P2RX5: variants seen among roughly 807,000 people sequenced by gnomAD.
P2RX5 encodes the protein P2X purinoceptor 5.
Under a neutral mutation model 54.1 loss-of-function variants are expected in P2RX5, and 46 were observed. The observed-to-expected ratio is 0.85, with a 90% CI of 0.67 to 1.09. The LOEUF is 1.09. Among genes scored for constraint, P2RX5 ranks in the 50% least tolerant of loss-of-function variants. The pLI is 0.00. For missense variants in P2RX5, 566 were observed against 549.8 expected (o/e 1.03, Z -0.29); for synonymous variants, 226 against 226.4 (o/e 1.00, Z 0.02).
chr17:3,707,163 C>T, the P2RX5 span, among the ~76,000 whole-genome samples: 8 of 152,020 alleles, frequency 5.3e-5, no homozygotes, highest in Middle Eastern at 3.4e-3. Flanking sequence ...GTTGGGAAAA[C>T]GGGGCAAAAC....
the P2RX5 span, chr17:3,720,552 A>G: frequency 4.0e-6 from 2 of 504,740 alleles, no homozygotes; most frequent in Non-Finnish European, 7.0e-6. Context: ...AAAGTTACCC[A>G]AACAAGACAT....
intron 11 of P2RX5, 60 bp from the exon 12 acceptor site, chr17:3,673,937 G>GT: frequency 6.8e-7 from 1 of 1,461,370 alleles, no homozygotes; most frequent in Admixed American, 1.9e-5. Context: ...TTCCCAGTGA[G>GT]GCAACCAGTG....
the P2RX5 span, among the ~76,000 whole-genome samples, chr17:3,715,742 G>GTC: frequency 6.6e-6 from 1 of 151,960 alleles, no homozygotes; most frequent in Non-Finnish European, 1.5e-5. Flanking sequence ...CTGAGTAACA[G>GTC]TCCCAGTTAC....
At chr17:3,675,466 C>T in intron 11 of P2RX5, 1 of 985,402 alleles carries the variant, frequency 1.0e-6, no homozygotes, top group Non-Finnish European at 1.2e-6. Context: ...TTGCTTCCTC[C>T]CAAACCTAAA....
chr17:3,675,059 A>C (rs1260796637), intron 11 of P2RX5, among the ~76,000 whole-genome samples: 1 of 152,208 alleles, frequency 6.6e-6, no homozygotes, highest in Non-Finnish European at 1.5e-5. Flanking sequence ...CTTTTTCTAG[A>C]GACGGAGTCT....
At chr17:3,719,960 A>G in the P2RX5 span, among the ~76,000 whole-genome samples, 16 of 152,130 alleles carry the variant, frequency 1.1e-4, no homozygotes, top group African/African-American at 3.9e-4. Context: ...TTCTGACCTC[A>G]GGTGATCCAC....
Position 3,681,964 on chromosome 17 carries a change from G to T in P2RX5, c.996C>A (p.Cys332Ter). 1.9e-6 allele frequency: 3 copies of T among 1,612,076 alleles called. No homozygotes were observed. The highest frequency in any genetic ancestry group is 2.5e-6 in the Non-Finnish European group (3 of 1,178,282). ...TGATGAGGTAGATGAGTACCAGGTC[G>T]CAGAAGAAAGCACCCTGCAAAACAG... ...VMVNGKGAFF[C>*]DLVLIYLIKK... is the part of the protein sequence containing the mutation. The change falls in exon 10 of 12, where the codon TGC (cysteine) becomes TGA (stop). Residue 332 changes from cysteine to a stop codon, truncating the protein, a stop_gained. Coordinates refer to ENST00000225328, the MANE Select transcript of P2RX5 (RefSeq NM_002561.4). LOFTEE classifies it high-confidence loss of function.
intron 11 of P2RX5, 119 bp downstream of exon 11, chr17:3,679,471 T>C: frequency 3.5e-6 from 3 of 869,358 alleles, no homozygotes; most frequent in Non-Finnish European, 5.5e-6. Flanking sequence ...TCCTGCCTTG[T>C]GGCCAGCTCA....
In P2RX5 at chr17:3,679,581, T is replaced by G; in HGVS notation, c.1259+9A>C. The G allele has an allele frequency of 1.2e-6, 2 of 1,605,414 alleles. No individual in the cohort carries two copies. The highest frequency in any genetic ancestry group is 2.2e-5 in the South Asian group (2 of 91,088). On this transcript the variant is annotated intron_variant, in intron 11 of 11. Transcript: ENST00000225328. ...AGCTGTCGGGCTCTCTGCCTAGCAG[T>G]GGCCTCACCTGTGGGGCTCCAGGAG...
In P2RX5 at chr17:3,679,642, T is replaced by G; in HGVS notation, c.1207A>C (p.Ser403Arg). 1 of 1,610,240 alleles carries G rather than the reference T, an allele frequency of 6.2e-7. No homozygotes were observed. Among genetic ancestry groups the G allele is most frequent in the South Asian group, 1.1e-5 (1 of 91,090 alleles). The change falls in exon 11 of 12, where the codon AGC becomes CGC. Residue 403 changes from serine to arginine, a missense_variant. Physicochemically the swap from Ser to Arg is moderately radical, Grantham distance 110 (BLOSUM62 -1). Coordinates refer to ENST00000225328, the MANE Select transcript of P2RX5 (RefSeq NM_002561.4). ...QEPPEAKRGS[S>R]SQKGNGSVCP... ...ACAGATCCGTTCCCCTTCTGACTGC[T>G]GCTTCCACGCTTCGCCTCGGGTGGC...
intron 10 of P2RX5, among the ~76,000 whole-genome samples, chr17:3,680,497 G>GTCCTCCACCCTGCATCCTCCACCCTGCA (rs1353320439): frequency 2.9e-5 from 1 of 34,040 alleles, no homozygotes. Context: ...TCCACCCAGT[G>GTCCTCCACCCTGCATCCTCCACCCTGCA]TCCTCCACCC....
chr17:3,714,781 T>C, the P2RX5 span: 4 of 870,908 alleles, frequency 4.6e-6, no homozygotes, highest in Admixed American at 6.1e-5. Context: ...GAAAAAGTAA[T>C]GCAAAGGATG....
At chr17:3,689,272 G>C (rs889854249) in intron 7 of P2RX5, among the ~76,000 whole-genome samples, 2 of 143,138 alleles carry the variant, frequency 1.4e-5, no homozygotes, top group Non-Finnish European at 3.1e-5. Context: ...TGAAAACACT[G>C]AGTCCCTGGG....
chr17:3,681,149 C>T (rs1306493385), intron 10 of P2RX5, among the ~76,000 whole-genome samples: 1 of 152,228 alleles, frequency 6.6e-6, no homozygotes, highest in Non-Finnish European at 1.5e-5. Flanking sequence ...AGCCTGTGGC[C>T]AGGGTCAGGG....
chr17:3,677,372 A>C, intron 11 of P2RX5: 1 of 985,340 alleles, frequency 1.0e-6, no homozygotes, highest in Non-Finnish European at 1.2e-6. Flanking sequence ...GATGGAGCAG[A>C]GGCCTCTTGC....
At chr17:3,711,370 CTTTTTTTTTTTTTTTT>C in the P2RX5 span, among the ~76,000 whole-genome samples, 5 of 63,110 alleles carry the variant, frequency 7.9e-5, no homozygotes, top group East Asian at 1.5e-3. Context: ...AGCACTCATT[CTTTTTTTTTTTTTTTT>C]TTTTTTTTTT....
rs953613142 is a variant in P2RX5 at position 3,688,143 on chromosome 17, C to T, written c.888-38G>A. The T allele has an allele frequency of 1.1e-5, 12 of 1,126,986 alleles. No homozygotes were observed. The Admixed American group carries it at 1.9e-4, about 18-fold the overall frequency. 69.8% of individuals were successfully genotyped at this position (1,126,986 alleles called of 1,614,324 possible). On this transcript the variant is annotated intron_variant, in intron 8 of 11. Transcript: ENST00000225328. ...GGGCCCAGGGGAGGCCTCAGCCTGCCTGGCCTTCCCTCTTTAGGCAGCACT... is the reference window on the plus strand; with the variant it reads ...GGGCCCAGGGGAGGCCTCAGCCTGCTTGGCCTTCCCTCTTTAGGCAGCACT...
chr17:3,688,801 G>A (rs573512385), intron 7 of P2RX5, 42 bp from the exon 8 acceptor site: 77 of 1,610,992 alleles, frequency 4.8e-5, no homozygotes, highest in Non-Finnish European at 5.7e-5. Flanking sequence ...ACAGCTTTCC[G>A]GAGACGGACA....
At chr17:3,707,261 T>C in the P2RX5 span, among the ~76,000 whole-genome samples, 1 of 152,164 alleles carries the variant, frequency 6.6e-6, no homozygotes, top group Non-Finnish European at 1.5e-5. Flanking sequence ...TGTGTGAACA[T>C]TTTCGTAATG....
Sources: allele counts gnomAD v4.1 joint callset (sites outside exome capture counted in the v4.1 genomes callset), GRCh38; gene constraint gnomAD v4.1.1; transcripts MANE v1.5; gene names NCBI Gene and HGNC (gene_info 2026-07-23, HGNC 2026-07-21).